The following NLRP5 variants were observed in gnomAD, a reference collection of about 807,000 sequenced individuals.
NLRP5 encodes NLR family pyrin domain containing 5.
Under a neutral mutation model 113.1 loss-of-function variants are expected in NLRP5, and 93 were observed. The observed-to-expected ratio is 0.82, with a 90% CI of 0.70 to 0.98. The LOEUF is 0.98. Among genes scored for constraint, NLRP5 ranks in the 50% least tolerant of loss-of-function variants. NLRP5 has a pLI of 0.00. For missense variants in NLRP5, 1,808 were observed against 1,514.3 expected (o/e 1.19, Z -3.22); for synonymous variants, 751 against 600.7 (o/e 1.25, Z -3.66).
intron 11 of NLRP5, among the ~76,000 whole-genome samples, chr19:56,042,333 A>T (rs1470801900): frequency 1.3e-5 from 2 of 152,120 alleles, no homozygotes; most frequent in Non-Finnish European, 2.9e-5. Context: ...ACAGGTGGTT[A>T]CATGAGTAAG....
chr19:55,999,020 C>T (rs1981496731), upstream of NLRP5, among the ~76,000 whole-genome samples: 1 of 151,498 alleles, frequency 6.6e-6, no homozygotes, highest in African/African-American at 2.4e-5. Context: ...CTCTAGTTGC[C>T]ATGCTGTGCA....
In NLRP5 at chr19:56,059,248, G is replaced by A. The variant is rs577748273; in HGVS notation, c.3470+838G>A. On this transcript the variant is annotated intron_variant, in intron 14 of 14. Coordinates refer to ENST00000390649, the MANE Select transcript of NLRP5 (RefSeq NM_153447.4). The stretch of plus-strand genomic sequence containing the variant: ...CCCCTCTCATTCAGTCCTTGTACAA[G>A]TCTGGAGGGCTGAGTTGATGGAGTT... Among the ~76,000 whole-genome samples, 16 of 152,332 alleles carry A rather than the reference G, an allele frequency of 1.1e-4. No individual in the cohort carries two copies. In the South Asian group the frequency reaches 1.4e-3, roughly 14 times the overall value.
the NLRP5 span, among the ~76,000 whole-genome samples, chr19:55,989,989 T>C: frequency 6.6e-6 from 1 of 151,940 alleles, no homozygotes; most frequent in Non-Finnish European, 1.5e-5. Flanking sequence ...ATGTCAAACG[T>C]AGTACATCAT....
At chr19:56,024,426 T>C (rs1036993260) in intron 6 of NLRP5, among the ~76,000 whole-genome samples, 1 of 142,828 alleles carries the variant, frequency 7.0e-6, no homozygotes, top group Admixed American at 7.0e-5. Flanking sequence ...ATATGTTATA[T>C]ATACACATAT....
chr19:56,004,569 C>T (rs1981782430), intron 2 of NLRP5, among the ~76,000 whole-genome samples: 1 of 152,102 alleles, frequency 6.6e-6, no homozygotes, highest in African/African-American at 2.4e-5. Flanking sequence ...GAGTCTCGTG[C>T]TTGGCCGTGG....
Position 56,041,079 on chromosome 19 carries a change from C to T in NLRP5, c.2944C>T (p.Leu982=). The T allele has an allele frequency of 1.9e-6, 3 of 1,613,892 alleles. No homozygotes were observed. The highest frequency in any genetic ancestry group is 2.5e-6 in the Non-Finnish European group (3 of 1,179,802). ...ATCCATGAGGCTTCCCCACTGTAGT[C>T]TGCAGAGGCTGATGTGAGTCTGGCT... The change falls in exon 11 of 15, where the codon CTG becomes TTG. Residue 982 remains leucine (L), a synonymous_variant. Coordinates refer to ENST00000390649, the MANE Select transcript of NLRP5 (RefSeq NM_153447.4).
At chr19:56,005,350 C>T (rs1373147789) in intron 2 of NLRP5, among the ~76,000 whole-genome samples, 1 of 116,918 alleles carries the variant, frequency 8.6e-6, no homozygotes, top group Non-Finnish European at 1.9e-5. Context: ...TACACATACA[C>T]ATATATTTTT....
At chr19:55,993,456 T>C in the NLRP5 span, among the ~76,000 whole-genome samples, 18 of 290 alleles carry the variant, frequency 0.062, no homozygotes, top group East Asian at 0.17. Context: ...CTCTCCCCCC[T>C]CTCTCCCCCC....
chr19:56,060,916 C>T (rs936758334), intron 14 of NLRP5, among the ~76,000 whole-genome samples: 15 of 152,046 alleles, frequency 9.9e-5, no homozygotes, highest in African/African-American at 3.4e-4. Context: ...ATGCTGGCTT[C>T]AAGGCAGCAT....
intron 3 of NLRP5, among the ~76,000 whole-genome samples, chr19:56,014,347 G>A (rs1037313930): frequency 2.6e-5 from 4 of 152,040 alleles, no homozygotes; most frequent in Non-Finnish European, 5.9e-5. Flanking sequence ...AGGCATGGTG[G>A]CGCTTTCCTG....
chr19:56,051,921 T>C (rs1983944655), intron 12 of NLRP5, among the ~76,000 whole-genome samples: 1 of 152,232 alleles, frequency 6.6e-6, no homozygotes, highest in African/African-American at 2.4e-5. Flanking sequence ...TTGGTATGGA[T>C]TCTAGTTCAC....
At chr19:56,018,940 C>T (rs1407302033) in intron 4 of NLRP5, among the ~76,000 whole-genome samples, 3 of 152,080 alleles carry the variant, frequency 2.0e-5, no homozygotes, top group Admixed American at 2.0e-4. Flanking sequence ...ATTACAGGCA[C>T]GTGCCACCAT....
At chr19:55,997,786 C>T (rs1227214829), upstream of NLRP5, among the ~76,000 whole-genome samples, 2 of 151,956 alleles carry the variant, frequency 1.3e-5, no homozygotes, top group Admixed American at 1.3e-4. Flanking sequence ...TCACTTGACC[C>T]CAGAAGGCAG....
chr19:56,061,357 G>T (rs192196710), intron 14 of NLRP5, 39 bp from the exon 15 acceptor site: 2 of 1,599,854 alleles, frequency 1.3e-6, no homozygotes, highest in Non-Finnish European at 8.5e-7. Context: ...AGAGTCGAAA[G>T]CAACATCTCA....
chr19:56,034,054 G>GCC (rs1983223191), intron 9 of NLRP5, among the ~76,000 whole-genome samples: 2 of 152,174 alleles, frequency 1.3e-5, no homozygotes, highest in Non-Finnish European at 2.9e-5. Context: ...ATAGGCTTGA[G>GCC]CCACCATACC....
At position 56,028,266 on chromosome 19, in the gene NLRP5, C is replaced by T; in HGVS notation, c.2033C>T (p.Ala678Val). 3 of 1,613,900 alleles carry T rather than the reference C, an allele frequency of 1.9e-6. No individual in the cohort carries two copies. Among genetic ancestry groups the T allele is most frequent in the East Asian group, 2.2e-5 (1 of 44,884 alleles). ...TCTCTGTTGGGTCAGCAGCCTAATG[C>T]CACCACCCCAGGAGACACCCTGGAC... Residue 678 changes from alanine to valine, a missense_variant, in exon 7 of 15, where the codon GCC becomes GTC. Physicochemically the swap from Ala to Val is moderately conservative, Grantham distance 64. Coordinates refer to ENST00000390649, the MANE Select transcript of NLRP5 (RefSeq NM_153447.4).
intron 9 of NLRP5, among the ~76,000 whole-genome samples, chr19:56,036,349 G>C (rs909163515): frequency 4.6e-5 from 7 of 150,860 alleles, no homozygotes; most frequent in African/African-American, 1.7e-4. Flanking sequence ...TTACAGGCTT[G>C]AGCCACTGCG....
In NLRP5 at chr19:56,061,462, C is replaced by A; in HGVS notation, c.3537C>A (p.Pro1179=). The change falls in exon 15 of 15, where the codon CCC becomes CCA. Residue 1179 remains proline, a synonymous_variant. Transcript: ENST00000390649. ...TGGAGGAAGTGCAGCTACTCAAGCC[C>A]CGAGTCGTAATTGACGGTAGTTGGC... 1 of 1,613,946 alleles carries A rather than the reference C, an allele frequency of 6.2e-7. No individual in the cohort carries two copies. Among genetic ancestry groups the A allele is most frequent in the Non-Finnish European group, 8.5e-7 (1 of 1,179,848 alleles).
At chr19:56,012,370 G>A (rs1311803594) in intron 3 of NLRP5, among the ~76,000 whole-genome samples, 2 of 150,436 alleles carry the variant, frequency 1.3e-5, no homozygotes, top group South Asian at 2.1e-4. Context: ...GGCTGCCTTC[G>A]AACTCCTGAC....
Sources: allele counts gnomAD v4.1 joint callset (sites outside exome capture counted in the v4.1 genomes callset), GRCh38; gene constraint gnomAD v4.1.1; transcripts MANE v1.5; gene names NCBI Gene and HGNC (gene_info 2026-07-23, HGNC 2026-07-21).